Variants in PPAT observed in about 807,000 individuals in gnomAD.
PPAT encodes the protein amidophosphoribosyltransferase.
A neutral mutation model predicts 60.2 loss-of-function variants in PPAT; 20 were observed. The observed-to-expected ratio is 0.33, with a 90% CI of 0.23 to 0.48. The LOEUF (loss-of-function observed/expected upper bound fraction) is 0.48, where lower values mean the gene tolerates loss of function less well. Ranked by LOEUF, PPAT falls within the 20% of genes least tolerant of loss-of-function variation. The probability of loss-of-function intolerance (pLI) is 0.99; values close to 1 mark genes in which losing one functional copy is unlikely to be tolerated. For missense variants in PPAT, 349 were observed against 629.6 expected (o/e 0.55, Z 4.77); for synonymous variants, 194 against 215.1 (o/e 0.90, Z 0.86).
In PPAT at chr4:56,407,673, C is replaced by T. The variant is rs1284358365; in HGVS notation, c.172G>A (p.Val58Met). ...ACCTTGTGTGATTTGAATGTTGGCA[C>T]CGAACTCCCATCACTAGTCACAATA... is the stretch of plus-strand genomic sequence containing the variant. Reference protein sequence around the residue: ...AGIVTSDGSSVPTFKSHKGMG... With the variant: ...AGIVTSDGSSMPTFKSHKGMG... The change falls in exon 2 of 11, where the codon GTG (valine) becomes ATG (methionine). Residue 58 changes from valine to methionine, a missense_variant. Transcript: ENST00000264220. 1.9e-6 allele frequency: 3 copies of T among 1,605,566 alleles called. No individual in the cohort carries two copies. The highest frequency in any genetic ancestry group is 2.6e-6 in the Non-Finnish European group (3 of 1,172,120).
chr4:56,408,846 A>AG (rs1433644961), intron 1 of PPAT, among the ~76,000 whole-genome samples: 4 of 152,180 alleles, frequency 2.6e-5, no homozygotes, highest in Non-Finnish European at 5.9e-5. Flanking sequence ...CTGTAAAAAA[A>AG]TGTTAAATGT....
intron 2 of PPAT, 41 bp downstream of exon 2, chr4:56,407,609 C>T (rs1560640093): frequency 6.7e-7 from 1 of 1,498,926 alleles, no homozygotes; most frequent in Non-Finnish European, 9.3e-7. Flanking sequence ...TGAACCACCG[C>T]ACTTGGTCTG....
chr4:56,401,504 A>G, intron 6 of PPAT, 23 bp from the exon 7 acceptor site: 1 of 1,566,054 alleles, frequency 6.4e-7, no homozygotes, highest in South Asian at 1.2e-5. Flanking sequence ...TGTTAAAGAA[A>G]GAAGACTTTT....
chr4:56,418,505 G>C (rs1274109510), intron 1 of PPAT, among the ~76,000 whole-genome samples: 3 of 151,862 alleles, frequency 2.0e-5, no homozygotes, highest in Non-Finnish European at 4.4e-5. Flanking sequence ...TTTTTTTGTA[G>C]ATACAGGTTT....
At chr4:56,428,196 A>T (rs1230335338) in intron 1 of PPAT, among the ~76,000 whole-genome samples, 1 of 152,258 alleles carries the variant, frequency 6.6e-6, no homozygotes, top group East Asian at 1.9e-4. Context: ...TGATAATCAA[A>T]TACAAGATTT....
Position 56,396,436 on chromosome 4 carries a change from G to T in PPAT, c.1357+183C>A. The T allele has an allele frequency of 2.0e-6, 1 of 498,190 alleles. No individual in the cohort carries two copies. Among genetic ancestry groups the T allele is most frequent in the Non-Finnish European group, 3.3e-6 (1 of 302,964 alleles). The allele number at this position is 498,190 out of a possible 1,614,324, so 30.9% of individuals were successfully genotyped here. ...ACCTTGGCTTAGCTCTCCAACACAA[G>T]ACTCTGTGGTGTCTGCCCATGCCCA... is the stretch of plus-strand genomic sequence containing the variant. On this transcript the variant is annotated intron_variant, in intron 10 of 10. Coordinates refer to ENST00000264220, the MANE Select transcript of PPAT (RefSeq NM_002703.5). This position sits in a 1 kb window ranked among gnomAD's most constrained non-coding sequence, Gnocchi z 4.6.
In PPAT at chr4:56,408,434, CAA is replaced by C. The variant is rs34049939; in HGVS notation, c.129-720_129-719del. The C allele has an allele frequency of 6.1e-4, 61 of 100,496 alleles. 1 individual carries two copies. Among genetic ancestry groups the C allele is most frequent in the Admixed American group, 7.1e-4 (6 of 8,486 alleles). 6.2% of individuals were successfully genotyped at this position (100,496 alleles called of 1,614,324 possible). A position where few individuals can be genotyped will look rare whatever the true frequency, so the allele number is the denominator to read the frequency against. On this transcript the variant is annotated intron_variant, in intron 1 of 10. Coordinates refer to ENST00000264220, the MANE Select transcript of PPAT (RefSeq NM_002703.5). ...GGGCGACAGAGCGGAGACTCCGTCT[CAA>C]AAAAAAAAAAAAAAAAAGACATCAG... is the stretch of plus-strand genomic sequence containing the variant.
In PPAT at chr4:56,395,111, G is replaced by T. The variant is rs1715933929; in HGVS notation, c.*241C>A. 2 of 391,874 alleles carry T rather than the reference G, an allele frequency of 5.1e-6. No homozygotes were observed. The highest frequency in any genetic ancestry group is 5.0e-5 in the Admixed American group (1 of 19,904). 24.3% of individuals were successfully genotyped at this position (391,874 alleles called of 1,614,324 possible). A position where few individuals can be genotyped will look rare whatever the true frequency, so the allele number is the denominator to read the frequency against. On this transcript the variant is annotated 3_prime_UTR_variant, in exon 11 of 11. Coordinates refer to ENST00000264220, the MANE Select transcript of PPAT (RefSeq NM_002703.5). Reference sequence around the variant, plus strand: ...TGCCTTCTCTGACCAGGTTAAAAAGGCTAGCCAATGCTTGTGTAAAAAAAA... The same window carrying T: ...TGCCTTCTCTGACCAGGTTAAAAAGTCTAGCCAATGCTTGTGTAAAAAAAA...
intron 1 of PPAT, chr4:56,414,270 A>G (rs1421485968): frequency 6.6e-6 from 1 of 152,236 alleles, no homozygotes; most frequent in African/African-American, 2.4e-5. Context: ...AGAAGGGAAG[A>G]AAACGAAAGT....
chr4:56,405,586 C>T lies in PPAT; in HGVS notation c.402+909G>A, dbSNP rs1330161516. 2.0e-5 allele frequency among the ~76,000 whole-genome samples: 3 copies of T among 152,102 alleles called. No individual in the cohort carries two copies. In the South Asian group the frequency reaches 6.2e-4, roughly 32 times the overall value. On this transcript the variant is annotated intron_variant, in intron 3 of 10. Coordinates refer to ENST00000264220, the MANE Select transcript of PPAT (RefSeq NM_002703.5). The stretch of plus-strand genomic sequence containing the variant: ...ACCAGTGGCTGATGATTTAATCATT[C>T]GTGCCTACTTCATGAAGCCTCCATA...
intron 3 of PPAT, among the ~76,000 whole-genome samples, chr4:56,404,619 T>C (rs773582184): frequency 7.2e-5 from 11 of 152,168 alleles, no homozygotes; most frequent in Non-Finnish European, 1.6e-4. Context: ...AGTGAGTTAG[T>C]GGTTATCTCT....
intron 1 of PPAT, chr4:56,420,077 C>T: frequency 1.4e-6 from 1 of 730,546 alleles, no homozygotes; most frequent in Non-Finnish European, 1.7e-6. Flanking sequence ...ATAATCTTAA[C>T]ATCATGTTAC....
chr4:56,409,351 T>C (rs1207533715), intron 1 of PPAT, among the ~76,000 whole-genome samples: 1 of 152,240 alleles, frequency 6.6e-6, no homozygotes, highest in African/African-American at 2.4e-5. Context: ...AGTATGTAGA[T>C]GTAAATTAAA....
At chr4:56,399,930 A>C (rs1304056283) in intron 8 of PPAT, 2 of 152,522 alleles carry the variant, frequency 1.3e-5, no homozygotes, top group Non-Finnish European at 2.9e-5. Flanking sequence ...ATGAAAATAA[A>C]GCGTAACACT....
At position 56,400,992 on chromosome 4, in the gene PPAT, T is replaced by G. The variant is rs765371191; in HGVS notation, c.887-81A>C. 181 of 1,353,258 alleles carry G rather than the reference T, an allele frequency of 1.3e-4. 1 individual carries two copies. Among genetic ancestry groups the G allele is most frequent in the Admixed American group, 3.0e-4 (15 of 49,258 alleles). The allele number at this position is 1,353,258 out of a possible 1,614,324, so 83.8% of individuals were successfully genotyped here. On this transcript the variant is annotated intron_variant, in intron 7 of 10. Coordinates refer to ENST00000264220, the MANE Select transcript of PPAT (RefSeq NM_002703.5). ...TTATTCTAAAAAACTAGTGCTAGAA[T>G]TCTACAGATTGAGTATAAAAAGAAA...
chr4:56,417,758 C>G (rs55880613), intron 1 of PPAT, among the ~76,000 whole-genome samples: 1 of 152,038 alleles, frequency 6.6e-6, no homozygotes, highest in Admixed American at 6.5e-5. Context: ...CACACTCCAG[C>G]CTGTGCAACA....
intron 1 of PPAT, among the ~76,000 whole-genome samples, chr4:56,425,009 G>A (rs1312213286): frequency 6.6e-6 from 1 of 152,164 alleles, no homozygotes. Context: ...AAAATCACAA[G>A]TGAAATACCT....
intron 1 of PPAT, among the ~76,000 whole-genome samples, chr4:56,432,002 TAAAA>T (rs1318743341): frequency 6.6e-6 from 1 of 152,182 alleles, no homozygotes; most frequent in Non-Finnish European, 1.5e-5. Flanking sequence ...CCAGAACTAC[TAAAA>T]ACGGGGAGTA....
intron 2 of PPAT, 34 bp downstream of exon 2, chr4:56,407,616 T>C: frequency 6.5e-7 from 1 of 1,534,532 alleles, no homozygotes; most frequent in Non-Finnish European, 9.0e-7. Context: ...CCGCACTTGG[T>C]CTGTCATCAA....
Sources: gnomAD v4.1 joint callset for allele counts (sites outside exome capture counted in the v4.1 genomes callset) on GRCh38, gnomAD v4.1.1 for gene constraint, Gnocchi (gnomAD v3.1) non-coding constraint, MANE v1.5 for transcripts, NCBI Gene and HGNC (gene_info 2026-07-23, HGNC 2026-07-21) for gene names.